KCTD8: variants seen among roughly 807,000 people sequenced by gnomAD.
KCTD8 encodes the protein potassium channel tetramerization domain containing 8.
KCTD8 carries 27 observed loss-of-function variants against 31.5 expected under a neutral mutation model. That is an observed-to-expected ratio of 0.86 (90% CI 0.63 to 1.18). The LOEUF (loss-of-function observed/expected upper bound fraction) is 1.18, where lower values mean the gene tolerates loss of function less well. KCTD8 is among the 50% of genes most tolerant of loss of function. KCTD8 has a pLI of 0.00. For synonymous variants in KCTD8, 290 were observed against 280.0 expected (o/e 1.04, Z -0.36); for missense variants, 658 against 647.7 (o/e 1.02, Z -0.17).
intron 1 of KCTD8, among the ~76,000 whole-genome samples, chr4:44,323,894 A>G (rs994554964): frequency 9.2e-5 from 14 of 151,960 alleles, no homozygotes; most frequent in African/African-American, 3.2e-4. Flanking sequence ...ATAATGAGCC[A>G]TTATAGACTG....
At chr4:44,355,011 G>A (rs1019530309) in intron 1 of KCTD8, among the ~76,000 whole-genome samples, 4 of 152,062 alleles carry the variant, frequency 2.6e-5, no homozygotes, top group Non-Finnish European at 5.9e-5. Flanking sequence ...TAATAAGATA[G>A]CTTTAGCTGT....
intron 1 of KCTD8, among the ~76,000 whole-genome samples, chr4:44,250,566 G>A (rs550337280): frequency 3.1e-4 from 47 of 151,710 alleles, no homozygotes; most frequent in Non-Finnish European, 3.4e-4. Flanking sequence ...CTGCACCCAC[G>A]GGGTCTGATT....
At chr4:44,284,472 C>G (rs1716998059) in intron 1 of KCTD8, among the ~76,000 whole-genome samples, 1 of 152,102 alleles carries the variant, frequency 6.6e-6, no homozygotes, top group South Asian at 2.1e-4. Flanking sequence ...AAAATCAACT[C>G]AAGATGGATC....
chr4:44,295,244 T>C (rs1171874094), intron 1 of KCTD8, among the ~76,000 whole-genome samples: 2 of 152,126 alleles, frequency 1.3e-5, no homozygotes. Context: ...CTCAGTGAGC[T>C]ATGACTGTGC....
At chr4:44,323,505 C>CCT (rs1560426260) in intron 1 of KCTD8, among the ~76,000 whole-genome samples, 1 of 132,658 alleles carries the variant, frequency 7.5e-6, no homozygotes. Flanking sequence ...CACCCACCCC[C>CCT]CCCCAAAAAA....
At chr4:44,269,213 C>A (rs939589890) in intron 1 of KCTD8, among the ~76,000 whole-genome samples, 2 of 152,128 alleles carry the variant, frequency 1.3e-5, no homozygotes, top group African/African-American at 4.8e-5. Flanking sequence ...TGGAACAGAA[C>A]AGAGCCCTCA....
At chr4:44,362,619 A>C (rs1719527982) in intron 1 of KCTD8, among the ~76,000 whole-genome samples, 1 of 152,092 alleles carries the variant, frequency 6.6e-6, no homozygotes, top group Non-Finnish European at 1.5e-5. Context: ...AGGTGAGTTG[A>C]AATAGAAACC....
intron 1 of KCTD8, among the ~76,000 whole-genome samples, chr4:44,377,409 T>C (rs1252081775): frequency 1.3e-5 from 2 of 152,308 alleles, no homozygotes; most frequent in African/African-American, 2.4e-5. Context: ...CATGGAAGGA[T>C]AGACCTGTGG....
chr4:44,182,010 C>T (rs374822154), intron 1 of KCTD8, among the ~76,000 whole-genome samples: 23 of 150,962 alleles, frequency 1.5e-4, no homozygotes, highest in Admixed American at 5.3e-4. Flanking sequence ...GGAGCCCCTC[C>T]GCCTGGCAGC....
At chr4:44,233,276 T>C (rs188250331) in intron 1 of KCTD8, among the ~76,000 whole-genome samples, 12 of 152,306 alleles carry the variant, frequency 7.9e-5, no homozygotes, top group African/African-American at 2.6e-4. Context: ...TCTGCCTTTT[T>C]AGTATCTTTC....
At chr4:44,186,520 C>G (rs899521582) in intron 1 of KCTD8, among the ~76,000 whole-genome samples, 1 of 152,192 alleles carries the variant, frequency 6.6e-6, no homozygotes, top group African/African-American at 2.4e-5. Context: ...ACACATGCCG[C>G]CTACAGATGG....
chr4:44,448,447 G>A lies in KCTD8; in HGVS notation c.77C>T (p.Pro26Leu). ...CGGGGCGGCGGCGGCCGACGCGCCGGGCGAGCTGGACGAGGAAACCATCTC... is the reference window on the plus strand; with the variant it reads ...CGGGGCGGCGGCGGCCGACGCGCCGAGCGAGCTGGACGAGGAAACCATCTC... ...ISEMVSSSSSPGASAAAAPGP... is the reference protein window; with the variant it reads ...ISEMVSSSSSLGASAAAAPGP... Residue 26 changes from proline to leucine, a missense_variant, in exon 1 of 2, where the codon CCC (proline) becomes CTC (leucine). Transcript: ENST00000360029. This position sits in a 1 kb window ranked among gnomAD's most constrained non-coding sequence, Gnocchi z 4.1. 6.5e-7 allele frequency: 1 copy of A among 1,548,128 alleles called. No individual in the cohort carries two copies. Among genetic ancestry groups the A allele is most frequent in the Non-Finnish European group, 8.7e-7 (1 of 1,155,276 alleles).
chr4:44,239,017 T>G (rs1021124620), intron 1 of KCTD8, among the ~76,000 whole-genome samples: 1 of 152,148 alleles, frequency 6.6e-6, no homozygotes, highest in African/African-American at 2.4e-5. Flanking sequence ...GCACCTCAGT[T>G]CTAACAAATT....
At position 44,213,187 on chromosome 4, in the gene KCTD8, CG is replaced by C. The variant is rs1714545911; in HGVS notation, c.962-37938del. Among the ~76,000 whole-genome samples, 4 of 152,266 alleles carry C rather than the reference CG, an allele frequency of 2.6e-5. No homozygotes were observed. The South Asian group carries it at 8.3e-4, about 32-fold the overall frequency. On this transcript the variant is annotated intron_variant, in intron 1 of 1. Coordinates refer to ENST00000360029, the MANE Select transcript of KCTD8 (RefSeq NM_198353.3). The stretch of plus-strand genomic sequence containing the variant: ...TCCTGACCTCGTGATCCGCCTGCCT[CG>C]GCCTCCCAGAGTGCTGGGAATACAG...
At chr4:44,253,485 G>A (rs1577576627) in intron 1 of KCTD8, among the ~76,000 whole-genome samples, 1 of 151,726 alleles carries the variant, frequency 6.6e-6, no homozygotes, top group Non-Finnish European at 1.5e-5. Context: ...TTTGCAAAAT[G>A]GAATCCAATA....
chr4:44,348,950 T>C (rs1386627498), intron 1 of KCTD8, among the ~76,000 whole-genome samples: 2 of 152,166 alleles, frequency 1.3e-5, no homozygotes, highest in Non-Finnish European at 2.9e-5. Context: ...TTTCTTCAAA[T>C]ACATCTTTTT....
rs1721420259 is a variant in KCTD8 at position 44,429,466 on chromosome 4, C to T, written c.961+18097G>A. On this transcript the variant is annotated intron_variant, in intron 1 of 1. Transcript: ENST00000360029. ...GGGCATAGATAGAAAATAGTGGAGA[C>T]CATTGAAGGGGCTGTTTTGGAGGCA... is the stretch of plus-strand genomic sequence containing the variant. Among the ~76,000 whole-genome samples the T allele has an allele frequency of 2.0e-5, 3 of 151,664 alleles. No individual in the cohort carries two copies. In the Admixed American group the frequency reaches 2.0e-4, roughly 10 times the overall value.
At chr4:44,259,798 G>T (rs1187832080) in intron 1 of KCTD8, among the ~76,000 whole-genome samples, 1 of 151,798 alleles carries the variant, frequency 6.6e-6, no homozygotes, top group Admixed American at 6.6e-5. Flanking sequence ...TGAGCAAAAG[G>T]TCTAAAGGCA....
At chr4:44,325,139 T>A (rs1193932396) in intron 1 of KCTD8, among the ~76,000 whole-genome samples, 5 of 152,020 alleles carry the variant, frequency 3.3e-5, no homozygotes, top group Non-Finnish European at 7.4e-5. Context: ...TCTGTTTGAA[T>A]GCACCCTATG....
Sources: gnomAD v4.1 joint callset for allele counts (sites outside exome capture counted in the v4.1 genomes callset) on GRCh38, gnomAD v4.1.1 for gene constraint, Gnocchi (gnomAD v3.1) non-coding constraint, MANE v1.5 for transcripts, NCBI Gene and HGNC (gene_info 2026-07-23, HGNC 2026-07-21) for gene names.